Variants in GLB1L2 observed in about 807,000 individuals in gnomAD.
The protein encoded by GLB1L2 is galactosidase beta 1 like 2.
Under a neutral mutation model 84.1 loss-of-function variants are expected in GLB1L2, and 68 were observed. That is an observed-to-expected ratio of 0.81 (90% CI 0.67 to 0.99). GLB1L2 has a LOEUF of 0.99. GLB1L2 is among the 50% of genes least tolerant of loss of function. GLB1L2 has a pLI of 0.00. For missense variants in GLB1L2, 762 were observed against 805.6 expected, an observed-to-expected ratio of 0.95 and a Z score of 0.66; for synonymous variants, 290 against 318.0, an observed-to-expected ratio of 0.91 and a Z score of 0.94.
intron 1 of GLB1L2, among the ~76,000 whole-genome samples, chr11:134,335,939 G>A (rs1375492537): frequency 1.3e-5 from 2 of 152,098 alleles, no homozygotes; most frequent in African/African-American, 4.8e-5. Flanking sequence ...GGGTTTTTTG[G>A]TGTCAATGTT....
intron 9 of GLB1L2, among the ~76,000 whole-genome samples, chr11:134,367,542 G>A (rs144876297): frequency 4.4e-4 from 67 of 152,252 alleles, no homozygotes; most frequent in East Asian, 3.1e-3. Context: ...TTGCTTGTTC[G>A]TGTTTTTGTA....
chr11:134,374,902 A>T, intron 18 of GLB1L2, 70 bp from the exon 19 acceptor site: 1 of 1,446,182 alleles, frequency 6.9e-7, no homozygotes, highest in South Asian at 1.2e-5. Context: ...TGACCCTGCC[A>T]CCTCTCAGCA....
In GLB1L2 at chr11:134,370,651, G is replaced by C. The variant is rs1170823512; in HGVS notation, c.1215+252G>C. ...GGAGTGTGAAGTGGGAGAAACAGAG[G>C]TCCCTGAGGAACAGCGGCTGGCCCC... On this transcript the variant is annotated intron_variant, in intron 12 of 18. Coordinates refer to ENST00000535456, the MANE Select transcript of GLB1L2 (RefSeq NM_001370461.1). The surrounding 1 kb of genome is among the most constrained non-coding windows in gnomAD (Gnocchi z 4.7). 6.6e-6 allele frequency among the ~76,000 whole-genome samples: 1 copy of C among 152,092 alleles called. No individual in the cohort carries two copies. The highest frequency in any genetic ancestry group is 1.5e-5 in the Non-Finnish European group (1 of 67,992).
intron 1 of GLB1L2, among the ~76,000 whole-genome samples, chr11:134,340,731 G>A (rs1387280797): frequency 6.6e-6 from 1 of 152,212 alleles, no homozygotes; most frequent in Non-Finnish European, 1.5e-5. Flanking sequence ...GCAGTCTATC[G>A]CAAGTACTCA....
At chr11:134,354,940 A>C (rs536152483) in intron 5 of GLB1L2, among the ~76,000 whole-genome samples, 2 of 152,030 alleles carry the variant, frequency 1.3e-5, no homozygotes, top group East Asian at 3.9e-4. Context: ...CTGCCCTTTT[A>C]TCTCTCTTTT....
At chr11:134,371,193 C>T (rs1393140216) in intron 13 of GLB1L2, 45 bp downstream of exon 13, 1 of 1,609,082 alleles carries the variant, frequency 6.2e-7, no homozygotes, top group East Asian at 2.2e-5. Flanking sequence ...TGGTGAGCAG[C>T]TCTGCAATAG....
At chr11:134,351,283 A>G (rs968238622) in intron 5 of GLB1L2, among the ~76,000 whole-genome samples, 5 of 150,206 alleles carry the variant, frequency 3.3e-5, no homozygotes, top group African/African-American at 9.8e-5. Flanking sequence ...TGGGATCATC[A>G]TGTGGTTTTT....
At position 134,369,866 on chromosome 11, in the gene GLB1L2, C is replaced by T. The variant is rs34063963; in HGVS notation, c.1089C>T (p.Asp363=). The part of the protein sequence containing the change: ...DYTAKYMKLR[D]FFGSISGIPL... ...CGGCCAAGTACATGAAGCTTCGAGA[C>T]TTCTTCGGCTCCATCTCAGGTACCC... Residue 363 remains aspartate (D), a synonymous_variant, in exon 11 of 19, where the codon GAC becomes GAT. Coordinates refer to ENST00000535456, the MANE Select transcript of GLB1L2 (RefSeq NM_001370461.1). The T allele has an allele frequency of 5.5e-3, 8,910 of 1,613,634 alleles. 282 individuals are homozygous for T. The African/African-American group carries it at 0.086, about 16-fold the overall frequency.
At chr11:134,371,906 G>A (rs1470349747) in intron 15 of GLB1L2, 76 bp downstream of exon 15, 3 of 1,416,954 alleles carry the variant, frequency 2.1e-6, no homozygotes, top group Non-Finnish European at 3.0e-6. Flanking sequence ...TATGCTAGCA[G>A]GCCACCAGGC....
Position 134,332,110 on chromosome 11 carries a change from C to G in GLB1L2, c.49C>G (p.Leu17Val), listed in dbSNP as rs752397996. The change falls in exon 1 of 19, where the codon CTG (leucine) becomes GTG (valine). Residue 17 changes from leucine to valine, a missense_variant. Leu to Val is a conservative substitution (Grantham distance 32). Transcript: ENST00000535456. ...GAGGCCGGCCCGCACGCTGGGACTC[C>G]TGCTGCTGGTCGTCTTGGGCTTCCT... ...RRRPARTLGL[L>V]LLVVLGFLVL... The G allele has an allele frequency of 6.3e-7, 1 of 1,591,232 alleles. No homozygotes were observed. Among genetic ancestry groups the G allele is most frequent in the South Asian group, 1.1e-5 (1 of 87,740 alleles).
chr11:134,333,330 T>G (rs1353426741), intron 1 of GLB1L2, among the ~76,000 whole-genome samples: 1 of 152,190 alleles, frequency 6.6e-6, no homozygotes, highest in Non-Finnish European at 1.5e-5. Flanking sequence ...CTCTAAGCCA[T>G]TCCTCTCTGA....
chr11:134,356,083 C>T (rs1286821206), intron 5 of GLB1L2: 1 of 665,958 alleles, frequency 1.5e-6, no homozygotes, highest in South Asian at 1.5e-5. Flanking sequence ...TTCCAGAGCT[C>T]CTATTAAGTT....
chr11:134,362,885 T>C (rs1435729131), intron 7 of GLB1L2, among the ~76,000 whole-genome samples: 1 of 152,182 alleles, frequency 6.6e-6, no homozygotes, highest in African/African-American at 2.4e-5. Flanking sequence ...TGGAGCCGAC[T>C]GTCACCCCTT....
chr11:134,358,904 A>G lies in GLB1L2; in HGVS notation c.652-156A>G, dbSNP rs114408424. Reference sequence around the variant, plus strand: ...GAGCTGTGCTGAGCATGGCCGGTGCAGATGGCAGGAGACTTTTCTGTTTTT... The same window carrying G: ...GAGCTGTGCTGAGCATGGCCGGTGCGGATGGCAGGAGACTTTTCTGTTTTT... On this transcript the variant is annotated intron_variant, in intron 6 of 18. Transcript: ENST00000535456. Among the ~76,000 whole-genome samples, 1,450 of 152,394 alleles carry G rather than the reference A, an allele frequency of 9.5e-3. 25 individuals carry two copies. The highest frequency in any genetic ancestry group is 0.033 in the African/African-American group (1,370 of 41,598).
At chr11:134,332,266 G>C in intron 1 of GLB1L2, 119 bp downstream of exon 1, 2 of 658,410 alleles carry the variant, frequency 3.0e-6, no homozygotes. Context: ...AGCCCCAGCT[G>C]CTTCTTTCTG....
In GLB1L2 at chr11:134,332,016, G is replaced by A; in HGVS notation, c.-46G>A. 1 of 1,381,580 alleles carries A rather than the reference G, an allele frequency of 7.2e-7. No individual in the cohort carries two copies. The highest frequency in any genetic ancestry group is 9.9e-7 in the Non-Finnish European group (1 of 1,010,656). 85.6% of individuals were successfully genotyped at this position (1,381,580 alleles called of 1,614,324 possible). A position where few individuals can be genotyped will look rare whatever the true frequency, so the allele number is the denominator to read the frequency against. On this transcript the variant is annotated 5_prime_UTR_variant, in exon 1 of 19. Coordinates refer to ENST00000535456, the MANE Select transcript of GLB1L2 (RefSeq NM_001370461.1). ...GCGAGGCTCCCGCGCGCGGCTGAGT[G>A]CGGACTGGAGTGGGAACCCGGGTCC...
chr11:134,368,678 C>G lies in GLB1L2; in HGVS notation c.924C>G (p.Ala308=). The G allele has an allele frequency of 6.2e-7, 1 of 1,613,854 alleles. No homozygotes were observed. The highest frequency in any genetic ancestry group is 8.5e-7 in the Non-Finnish European group (1 of 1,179,962). ...VLKTVSAIVD[A]GSSINLYMFH... is the part of the protein sequence containing the mutation. ...AAACCGTGTCTGCCATTGTGGACGC[C>G]GGCTCCTCCATCAACCTCTACATGT... The change falls in exon 10 of 19, where the codon GCC becomes GCG. Residue 308 remains alanine (A), a synonymous_variant. Transcript: ENST00000535456.
intron 15 of GLB1L2, 53 bp downstream of exon 15, chr11:134,371,883 G>A (rs1943958485): frequency 1.3e-6 from 2 of 1,553,198 alleles, no homozygotes; most frequent in Non-Finnish European, 1.8e-6. Flanking sequence ...CACACAGGTG[G>A]CTATTGCTTC....
chr11:134,357,779 G>C (rs1372388887), intron 6 of GLB1L2, among the ~76,000 whole-genome samples: 13 of 152,348 alleles, frequency 8.5e-5, no homozygotes, highest in Admixed American at 7.2e-4. Flanking sequence ...GCCTCTCTCT[G>C]AGGCTGCTGG....
Sources: gnomAD v4.1 joint callset for allele counts (sites outside exome capture counted in the v4.1 genomes callset) on GRCh38, gnomAD v4.1.1 for gene constraint, Gnocchi (gnomAD v3.1) non-coding constraint, MANE v1.5 for transcripts, NCBI Gene and HGNC (gene_info 2026-07-23, HGNC 2026-07-21) for gene names.